BTK: variants seen among roughly 807,000 people sequenced by gnomAD.
The protein encoded by BTK is Bruton tyrosine kinase, also known as tyrosine-protein kinase BTK.
A neutral mutation model predicts 57.4 loss-of-function variants in BTK; 5 were observed. The observed-to-expected ratio is 0.09, with a 90% CI of 0.05 to 0.18. The LOEUF (loss-of-function observed/expected upper bound fraction) is 0.18, where lower values mean the gene tolerates loss of function less well. BTK is among the 10% of genes least tolerant of loss of function. BTK has a pLI of 1.00. For synonymous variants in BTK, 154 were observed against 174.3 expected (o/e 0.88, Z 0.92); for missense variants, 194 against 501.2 (o/e 0.39, Z 5.85).
intron 5 of BTK, among the ~76,000 whole-genome samples, chrX:101,368,799 C>A (rs1275585094): frequency 2.7e-5 from 3 of 112,310 alleles, no homozygotes; most frequent in Non-Finnish European, 5.6e-5. Flanking sequence ...CTCCTGTTCC[C>A]TTTCAGTTTG....
chrX:101,360,637 C>T lies in BTK; in HGVS notation c.707G>A (p.Arg236Gln), dbSNP rs147036606. The T allele has an allele frequency of 8.1e-5, 98 of 1,209,763 alleles. No individual in the cohort carries two copies. The African/African-American group carries it at 1.5e-3, about 18-fold the overall frequency. The change falls in exon 8 of 19, where the codon CGG becomes CAG. Residue 236 changes from arginine to glutamine, a missense_variant. Physicochemically the swap from Arg to Gln is conservative, Grantham distance 43. This residue lies in a region of BTK where 115 missense variants were observed against 258.3 expected (regional missense o/e 0.45). Transcript: ENST00000308731. ...CAAGATAAAATATTCATCACCCTTCCGCAGCTGTAGATCATTTGCATTCAT... is the reference window on the plus strand; with the variant it reads ...CAAGATAAAATATTCATCACCCTTCTGCAGCTGTAGATCATTTGCATTCAT... ...MPMNANDLQL[R>Q]KGDEYFILEE...
At chrX:101,385,005 T>C (rs1220179206) in intron 1 of BTK, among the ~76,000 whole-genome samples, 3 of 111,373 alleles carry the variant, frequency 2.7e-5, no homozygotes, top group Admixed American at 1.9e-4. Flanking sequence ...GCACTTACTA[T>C]TGCCAGGCCC....
rs782759884 is a variant in BTK at position 101,355,973 on chromosome X, A to G, written c.1566+79T>C. 2.6e-3 allele frequency: 2,706 copies of G among 1,021,863 alleles called. 7 individuals carry two copies. The highest frequency in any genetic ancestry group is 3.3e-3 in the Non-Finnish European group (2,391 of 724,808). The allele number at this position is 1,021,863 out of a possible 1,213,427, so 84.2% of individuals were successfully genotyped here. On this transcript the variant is annotated intron_variant, in intron 15 of 18. Coordinates refer to ENST00000308731, the MANE Select transcript of BTK (RefSeq NM_000061.3). ...AATGATGGCACCAGCAGCCCCCCTC[A>G]ACCATGTATGATATATCTTCCACTG... is the stretch of plus-strand genomic sequence containing the variant.
chrX:101,364,202 A>G (rs1177953366), intron 5 of BTK, among the ~76,000 whole-genome samples: 1 of 108,678 alleles, frequency 9.2e-6, no homozygotes, highest in Non-Finnish European at 1.9e-5. Flanking sequence ...TGAGGTGAGG[A>G]GTTCAAGACC....
chrX:101,354,496 G>A, intron 16 of BTK, 134 bp downstream of exon 16: 1 of 678,761 alleles, frequency 1.5e-6, no homozygotes. Context: ...GGAAGAAAAA[G>A]AATAGAAAGA....
intron 18 of BTK, among the ~76,000 whole-genome samples, chrX:101,351,684 C>T (rs1555977044): frequency 9.0e-6 from 1 of 111,662 alleles, no homozygotes; most frequent in Non-Finnish European, 1.9e-5. Flanking sequence ...GAGAAGGCAT[C>T]TTGGGAAGAA....
upstream of BTK, among the ~76,000 whole-genome samples, chrX:101,389,456 T>C (rs1927715984): frequency 9.0e-6 from 1 of 111,600 alleles, no homozygotes; most frequent in Non-Finnish European, 1.9e-5. Flanking sequence ...TGCTGGAAGT[T>C]TGGCAAAGAA....
rs528859775 is a variant in BTK at position 101,356,309 on chromosome X, T to C, written c.1350-41A>G. On this transcript the variant is annotated intron_variant, in intron 14 of 18. Transcript: ENST00000308731. ...GGAACTAGTCTTCTCCTTTTGGCTC[T>C]GCATAATAGCAATAAAGGGGCTGGG... The C allele has an allele frequency of 1.6e-4, 183 of 1,127,949 alleles. No individual in the cohort carries two copies. In the South Asian group the frequency reaches 3.0e-3, roughly 19 times the overall value. 93.0% of individuals were successfully genotyped at this position (1,127,949 alleles called of 1,213,427 possible).
At chrX:101,367,001 T>C (rs1363337685) in intron 5 of BTK, among the ~76,000 whole-genome samples, 1 of 111,826 alleles carries the variant, frequency 8.9e-6, no homozygotes, top group Non-Finnish European at 1.9e-5. Context: ...CTCAGCACAT[T>C]GGGAGGCCGA....
At position 101,354,612 on chromosome X, in the gene BTK, T is replaced by A. The variant is rs1002343335; in HGVS notation, c.1631+18A>T. The A allele has an allele frequency of 2.5e-6, 3 of 1,208,483 alleles. No individual in the cohort carries two copies. The highest frequency in any genetic ancestry group is 2.2e-6 in the Non-Finnish European group (2 of 892,769). ...CTATTTTTACTTCTGGAGGGAAAGA[T>A]GAAAAAGCCACACTCACCTGGACAG... is the stretch of plus-strand genomic sequence containing the variant. On this transcript the variant is annotated intron_variant, in intron 16 of 18. Transcript: ENST00000308731.
At chrX:101,373,296 A>T (rs1408705424) in intron 3 of BTK, among the ~76,000 whole-genome samples, 2 of 111,866 alleles carry the variant, frequency 1.8e-5, no homozygotes, top group Non-Finnish European at 1.9e-5. Flanking sequence ...GGAAAAGAAT[A>T]AAAAAAGTAC....
intron 5 of BTK, among the ~76,000 whole-genome samples, chrX:101,366,692 T>C: frequency 9.0e-6 from 1 of 111,096 alleles, no homozygotes; most frequent in African/African-American, 3.3e-5. Context: ...TTGGCTCTTG[T>C]TGTTAGCCCA....
At chrX:101,384,368 C>T in intron 1 of BTK, among the ~76,000 whole-genome samples, 1 of 111,939 alleles carries the variant, frequency 8.9e-6, no homozygotes, top group East Asian at 2.8e-4. Context: ...GAGGCCCAAG[C>T]AGGCAGATCA....
rs376534598 is a variant in BTK, at chrX:101,356,764, G to A, written c.1349+20C>T. The A allele has an allele frequency of 1.7e-6, 2 of 1,210,300 alleles. No homozygotes were observed. The highest frequency in any genetic ancestry group is 3.0e-5 in the East Asian group (1 of 33,833). ...GACTCCAGCAAATAGATTGAGAGTT[G>A]AGTTTGGGCTATAACTCACATCATG... On this transcript the variant is annotated intron_variant, in intron 14 of 18. Coordinates refer to ENST00000308731, the MANE Select transcript of BTK (RefSeq NM_000061.3).
intron 1 of BTK, among the ~76,000 whole-genome samples, chrX:101,383,901 C>A (rs1247064264): frequency 8.9e-6 from 1 of 111,807 alleles, no homozygotes; most frequent in Non-Finnish European, 1.9e-5. Context: ...GGAGTTCTCC[C>A]TCCTCCTTCC....
intron 7 of BTK, 63 bp downstream of exon 7, chrX:101,362,110 G>T: frequency 9.1e-7 from 1 of 1,095,944 alleles, no homozygotes. Context: ...ACTCTAGTGT[G>T]TTCTTAGGGC....
upstream of BTK, among the ~76,000 whole-genome samples, chrX:101,389,756 C>G (rs1448212104): frequency 2.7e-5 from 3 of 111,539 alleles, no homozygotes; most frequent in Non-Finnish European, 5.6e-5. Flanking sequence ...TGTTAGACTA[C>G]CTAGGATCAA....
At chrX:101,371,767 A>T in intron 3 of BTK, 66 bp from the exon 4 acceptor site, 1 of 938,398 alleles carries the variant, frequency 1.1e-6, no homozygotes, top group Non-Finnish European at 1.5e-6. Flanking sequence ...TTCCTTAGGT[A>T]CTAGAAGCCT....
chrX:101,380,784 G>A (rs941893668), intron 1 of BTK, among the ~76,000 whole-genome samples: 21 of 109,916 alleles, frequency 1.9e-4, no homozygotes, highest in African/African-American at 6.0e-4. Flanking sequence ...AGGCTGAGGC[G>A]GGTGGATGAC....
Sources: gnomAD v4.1 joint callset for allele counts (sites outside exome capture counted in the v4.1 genomes callset) on GRCh38, gnomAD v4.1.1 for gene constraint, gnomAD v4.1.1 regional missense constraint, MANE v1.5 for transcripts, NCBI Gene and HGNC (gene_info 2026-07-23, HGNC 2026-07-21) for gene names.